The following CEP350 variants were observed in gnomAD, a reference collection of about 807,000 sequenced individuals.
CEP350 encodes the protein centrosomal protein 350.
CEP350 carries 126 observed loss-of-function variants against 331.8 expected under a neutral mutation model. That is an observed-to-expected ratio of 0.38 (90% confidence interval 0.33 to 0.44). The LOEUF (loss-of-function observed/expected upper bound fraction) is 0.44, where lower values mean the gene tolerates loss of function less well. Among genes scored for constraint, CEP350 ranks in the 20% least tolerant of loss-of-function variants. The pLI is 1.00. For synonymous variants in CEP350, 1,200 were observed against 1,259.5 expected (o/e 0.95, Z 1.00); for missense variants, 3,406 against 3,634.6 (o/e 0.94, Z 1.62).
At chr1:180,070,218 G>C (rs1658800406) in intron 27 of CEP350, among the ~76,000 whole-genome samples, 1 of 152,128 alleles carries the variant, frequency 6.6e-6, no homozygotes, top group African/African-American at 2.4e-5. Context: ...AACTGTAAAT[G>C]TTTCTTCTGT....
Position 180,094,596 on chromosome 1 carries a change from C to T in CEP350, c.8491C>T (p.Pro2831Ser). The change falls in exon 34 of 38, where the codon CCA (proline) becomes TCA (serine). Residue 2831 changes from proline to serine, a missense_variant. Pro to Ser is a moderately conservative substitution (Grantham distance 74, BLOSUM62 -1). Transcript: ENST00000367607. ...AGATGAAAAAGAAGAGATTTCCTCT[C>T]CAGATATGTGTCCCAGACCGGTGAG... Reference protein sequence around the residue: ...LEDEKEEISSPDMCPRPESPV... With the variant: ...LEDEKEEISSSDMCPRPESPV... 6.2e-7 allele frequency: 1 copy of T among 1,613,472 alleles called. No individual in the cohort carries two copies. The highest frequency in any genetic ancestry group is 8.5e-7 in the Non-Finnish European group (1 of 1,179,700).
At chr1:180,071,899 G>A (rs928868874) in intron 27 of CEP350, among the ~76,000 whole-genome samples, 15 of 152,112 alleles carry the variant, frequency 9.9e-5, no homozygotes, top group African/African-American at 2.9e-4. Flanking sequence ...CCAGTGTTCC[G>A]TTACCATCAG....
intron 26 of CEP350, among the ~76,000 whole-genome samples, chr1:180,063,405 C>G (rs1305362012): frequency 6.6e-6 from 1 of 151,590 alleles, no homozygotes. Context: ...GTTGCTCAGG[C>G]TGGTCTCCAA....
chr1:180,033,712 A>T, intron 15 of CEP350, 150 bp from the exon 16 acceptor site: 1 of 755,538 alleles, frequency 1.3e-6, no homozygotes, highest in Non-Finnish European at 2.1e-6. Flanking sequence ...TTCATTCAGC[A>T]TAGTGATTAT....
intron 1 of CEP350, among the ~76,000 whole-genome samples, chr1:179,961,628 A>C (rs987093049): frequency 1.3e-5 from 2 of 152,158 alleles, no homozygotes. Context: ...TTGACTCCTA[A>C]CGTCCAGCTT....
chr1:180,110,861 T>C (rs1018109641), intron 37 of CEP350, 136 bp from the exon 38 acceptor site: 8 of 713,648 alleles, frequency 1.1e-5, no homozygotes, highest in Admixed American at 9.9e-5. Context: ...GGTATTGATA[T>C]CATATGAATT....
At chr1:180,050,603 C>T (rs1173466215) in intron 22 of CEP350, among the ~76,000 whole-genome samples, 2 of 145,786 alleles carry the variant, frequency 1.4e-5, no homozygotes, top group Non-Finnish European at 3.0e-5. Flanking sequence ...GTGGAGGTTG[C>T]AGGGAGCCGA....
chr1:179,988,344 G>T (rs1030943705), intron 3 of CEP350, among the ~76,000 whole-genome samples: 6 of 151,690 alleles, frequency 4.0e-5, no homozygotes, highest in African/African-American at 1.2e-4. Flanking sequence ...GTAGGGCTTT[G>T]TCTATGTAGA....
intron 3 of CEP350, 55 bp downstream of exon 3, chr1:179,987,341 T>TA: frequency 1.1e-6 from 1 of 934,394 alleles, no homozygotes; most frequent in Non-Finnish European, 1.7e-6. Flanking sequence ...AATTTCCTGT[T>TA]ATGATTGAAT....
Position 180,080,666 on chromosome 1 carries a change from G to A in CEP350, c.6124+5G>A, listed in dbSNP as rs1184700678. The A allele has an allele frequency of 1.2e-6, 2 of 1,612,200 alleles. No homozygotes were observed. The highest frequency in any genetic ancestry group is 1.7e-6 in the Non-Finnish European group (2 of 1,178,752). Reference sequence around the variant, plus strand: ...CATTATCTATGACACAGTCAGGTAAGACTAATCATGAGGAGTTTTTATTTG... The same window carrying A: ...CATTATCTATGACACAGTCAGGTAAAACTAATCATGAGGAGTTTTTATTTG... On this transcript the variant is annotated splice_donor_5th_base_variant and intron_variant, in intron 30 of 37. Transcript: ENST00000367607.
Position 180,036,970 on chromosome 1 carries a change from G to A in CEP350, c.3991G>A (p.Ala1331Thr). The change falls in exon 17 of 38, where the codon GCA becomes ACA. Residue 1331 changes from alanine (A) to threonine (T), a missense_variant. Ala to Thr is a moderately conservative substitution (Grantham distance 58). Transcript: ENST00000367607. The stretch of plus-strand genomic sequence containing the variant: ...TGCTGGCCTCCATCATCGTATGGCA[G>A]CAGAACTCAGTTATCTGAACGCCAT... Reference protein sequence around the residue: ...SPAGLHHRMAAELSYLNAIEE... With the variant: ...SPAGLHHRMATELSYLNAIEE... The A allele has an allele frequency of 6.3e-7, 1 of 1,592,562 alleles. No individual in the cohort carries two copies. The highest frequency in any genetic ancestry group is 8.5e-7 in the Non-Finnish European group (1 of 1,169,598).
In CEP350 at chr1:180,043,038, G is replaced by C; in HGVS notation, c.4363-18G>C. The C allele has an allele frequency of 6.2e-7, 1 of 1,605,404 alleles. No homozygotes were observed. Among genetic ancestry groups the C allele is most frequent in the Non-Finnish European group, 8.5e-7 (1 of 1,175,600 alleles). On this transcript the variant is annotated intron_variant, in intron 19 of 37. Coordinates refer to ENST00000367607, the MANE Select transcript of CEP350 (RefSeq NM_014810.5). ...ACGTTTTAATACATTTGCCTTTCTTGTGTGTGTTCATGTTTAGATGGCAGA... is the reference window on the plus strand; with the variant it reads ...ACGTTTTAATACATTTGCCTTTCTTCTGTGTGTTCATGTTTAGATGGCAGA...
rs767882965 is a variant in CEP350 at position 180,020,070 on chromosome 1, G to C, written c.2296G>C (p.Glu766Gln). The C allele has an allele frequency of 6.8e-6, 11 of 1,613,844 alleles. No homozygotes were observed. In the African/African-American group the frequency reaches 1.3e-4, roughly 20 times the overall value. Residue 766 changes from glutamate (E) to glutamine (Q), a missense_variant, in exon 12 of 38, where the codon GAG becomes CAG. This residue lies in a region of CEP350 where 1,857 missense variants were observed against 1,909.2 expected (regional missense o/e 0.97). Coordinates refer to ENST00000367607, the MANE Select transcript of CEP350 (RefSeq NM_014810.5). ...GSLLSHLLSLEHVGILHKDFE... is the reference protein window; with the variant it reads ...GSLLSHLLSLQHVGILHKDFE... ...TTTACTCTCCCATCTCTTGAGTTTA[G>C]AGCATGTAGGAATTTTGCATAAGGA...
chr1:180,095,890 G>T lies in CEP350; in HGVS notation c.8879G>T (p.Gly2960Val). 2 of 1,610,140 alleles carry T rather than the reference G, an allele frequency of 1.2e-6. No individual in the cohort carries two copies. Among genetic ancestry groups the T allele is most frequent in the Non-Finnish European group, 1.7e-6 (2 of 1,178,518 alleles). Residue 2960 changes from glycine (G) to valine (V), a missense_variant, in exon 35 of 38, where the codon GGT becomes GTT. Transcript: ENST00000367607. Reference sequence around the variant, plus strand: ...AAACTGCTTGGCTGTGCCAGTAAAGGTCTAGATATAGAAAGCACTAGTAAA... The same window carrying T: ...AAACTGCTTGGCTGTGCCAGTAAAGTTCTAGATATAGAAAGCACTAGTAAA... Reference protein sequence around the residue: ...PTKLLGCASKGLDIESTSKRV... With the variant: ...PTKLLGCASKVLDIESTSKRV...
At chr1:179,997,840 C>T (rs1486979968) in intron 6 of CEP350, among the ~76,000 whole-genome samples, 2 of 152,070 alleles carry the variant, frequency 1.3e-5, no homozygotes, top group East Asian at 3.8e-4. Flanking sequence ...ACTCCATTTC[C>T]AGAAAATATT....
rs1656014128 is a variant in CEP350 at position 180,031,461 on chromosome 1, G to A, written c.3692G>A (p.Ser1231Asn). 2 of 1,550,156 alleles carry A rather than the reference G, an allele frequency of 1.3e-6. No homozygotes were observed. The highest frequency in any genetic ancestry group is 4.8e-5 in the East Asian group (2 of 41,976). Reference sequence around the variant, plus strand: ...TTTGAGCAGACTCTTGATACAGATAGCACTTTGGAGGATCTTTCTGGACAT... The same window carrying A: ...TTTGAGCAGACTCTTGATACAGATAACACTTTGGAGGATCTTTCTGGACAT... Reference protein sequence around the residue: ...KDFEQTLDTDSTLEDLSGHSV... With the variant: ...KDFEQTLDTDNTLEDLSGHSV... The change falls in exon 15 of 38, where the codon AGC becomes AAC. Residue 1231 changes from serine (S) to asparagine (N), a missense_variant. Around this residue, in one of 5 missense-constraint regions of CEP350, gnomAD observed 1,857 missense variants for 1,909.2 expected, o/e 0.97. Coordinates refer to ENST00000367607, the MANE Select transcript of CEP350 (RefSeq NM_014810.5).
intron 14 of CEP350, among the ~76,000 whole-genome samples, chr1:180,030,831 T>G (rs977808896): frequency 6.6e-6 from 1 of 152,100 alleles, no homozygotes; most frequent in Non-Finnish European, 1.5e-5. Context: ...TCAGTCATCT[T>G]CTTAAGATAT....
intron 22 of CEP350, among the ~76,000 whole-genome samples, chr1:180,050,704 A>G (rs1440341201): frequency 1.1e-4 from 17 of 151,690 alleles, no homozygotes; most frequent in Non-Finnish European, 2.1e-4. Flanking sequence ...AAAAACCTCA[A>G]TAATAGGAAA....
At chr1:180,041,955 C>T (rs1013284487) in intron 19 of CEP350, among the ~76,000 whole-genome samples, 153 bp downstream of exon 19, 1 of 151,974 alleles carries the variant, frequency 6.6e-6, no homozygotes, top group Non-Finnish European at 1.5e-5. Flanking sequence ...ATAAGAGGCA[C>T]CATTGATTGG....
Sources: allele counts gnomAD v4.1 joint callset (sites outside exome capture counted in the v4.1 genomes callset), GRCh38; gene constraint gnomAD v4.1.1; regional missense constraint gnomAD v4.1.1; transcripts MANE v1.5; gene names NCBI Gene and HGNC (gene_info 2026-07-23, HGNC 2026-07-21).